LGSN: variants seen among roughly 807,000 people sequenced by gnomAD.
LGSN encodes the protein lengsin.
LGSN carries 21 observed loss-of-function variants against 19.5 expected under a neutral mutation model. The ratio of observed to expected loss-of-function variants is 1.07; its 90% confidence interval spans 0.76 to 1.55. The LOEUF (loss-of-function observed/expected upper bound fraction) is 1.55, where lower values mean the gene tolerates loss of function less well. Among genes scored for constraint, LGSN ranks in the 40% most tolerant of loss-of-function variants. LGSN has a pLI of 0.00. For synonymous variants in LGSN, 257 were observed against 215.6 expected, an observed-to-expected ratio of 1.19 and a Z score of -1.68; for missense variants, 673 against 608.5, an observed-to-expected ratio of 1.11 and a Z score of -1.12.
At chr6:63,312,397 T>A (rs1295458593) in intron 1 of LGSN, among the ~76,000 whole-genome samples, 1 of 152,198 alleles carries the variant, frequency 6.6e-6, no homozygotes, top group Non-Finnish European at 1.5e-5. Flanking sequence ...GAAAGTAGAA[T>A]CCTTATTAAA....
chr6:63,458,867 G>A, the LGSN span, among the ~76,000 whole-genome samples: 1 of 152,104 alleles, frequency 6.6e-6, no homozygotes, highest in African/African-American at 2.4e-5. Context: ...GAAGGTATTG[G>A]GCAATGGAAA....
the LGSN span, among the ~76,000 whole-genome samples, chr6:63,328,357 G>A: frequency 6.6e-6 from 1 of 152,142 alleles, no homozygotes; most frequent in Non-Finnish European, 1.5e-5. Flanking sequence ...GGAGAAAAGG[G>A]GCAGGGTTGA....
chr6:63,551,242 T>C, the LGSN span, among the ~76,000 whole-genome samples: 3 of 151,956 alleles, frequency 2.0e-5, no homozygotes, highest in African/African-American at 7.3e-5. Flanking sequence ...GTTTTTGTAT[T>C]TTTAGTAGAG....
intron 3 of LGSN, among the ~76,000 whole-genome samples, chr6:63,282,816 C>T (rs146401434): frequency 7.2e-4 from 109 of 152,256 alleles, no homozygotes; most frequent in African/African-American, 2.2e-3. Flanking sequence ...CACACACACA[C>T]GCTTACTGTG....
chr6:63,289,059 T>C (rs1767665113), intron 2 of LGSN, among the ~76,000 whole-genome samples: 1 of 152,220 alleles, frequency 6.6e-6, no homozygotes, highest in African/African-American at 2.4e-5. Flanking sequence ...CCTGTCATTC[T>C]CCATTGCCTA....
the LGSN span, among the ~76,000 whole-genome samples, chr6:63,561,686 G>C: frequency 1.4e-4 from 21 of 152,128 alleles, no homozygotes; most frequent in Admixed American, 1.4e-3. Flanking sequence ...TGATTTCTTG[G>C]TTTATAGCCA....
chr6:63,524,996 T>C, the LGSN span, among the ~76,000 whole-genome samples: 5 of 152,094 alleles, frequency 3.3e-5, no homozygotes, highest in African/African-American at 1.2e-4. Context: ...ATTAGTGGAG[T>C]TGAGCATGTC....
chr6:63,460,497 C>T, the LGSN span, among the ~76,000 whole-genome samples: 2 of 152,104 alleles, frequency 1.3e-5, no homozygotes, highest in African/African-American at 2.4e-5. Context: ...TTTAAATTGA[C>T]GTCCTTTACT....
the LGSN span, among the ~76,000 whole-genome samples, chr6:63,361,748 C>T: frequency 2.0e-5 from 3 of 152,118 alleles, no homozygotes; most frequent in Non-Finnish European, 4.4e-5. Context: ...CTTCGTCGCT[C>T]AGGCTGGGAG....
chr6:63,276,839 T>C lies in LGSN; in HGVS notation c.*3182A>G, dbSNP rs549979022. 6.6e-6 allele frequency: 1 copy of C among 152,210 alleles called. No homozygotes were observed. 9.4% of individuals were successfully genotyped at this position (152,210 alleles called of 1,614,324 possible). A position where few individuals can be genotyped will look rare whatever the true frequency, so the allele number is the denominator to read the frequency against. On this transcript the variant is annotated 3_prime_UTR_variant, in exon 4 of 4. Transcript: ENST00000370657. ...CATCAGCAGAAAGTCCTTTCAACAA[T>C]AGAAAGCCTATGAACAGATGAAAGA...
At chr6:63,471,540 C>T in the LGSN span, among the ~76,000 whole-genome samples, 1 of 151,774 alleles carries the variant, frequency 6.6e-6, no homozygotes, top group Admixed American at 6.6e-5. Context: ...GTGGCAGGTG[C>T]CTGTAATCCC....
At chr6:63,538,461 ATTAGT>A in the LGSN span, among the ~76,000 whole-genome samples, 1 of 152,226 alleles carries the variant, frequency 6.6e-6, no homozygotes, top group African/African-American at 2.4e-5. Flanking sequence ...TAAAAATTAG[ATTAGT>A]TTAATTTGAA....
chr6:63,476,084 T>C, the LGSN span, among the ~76,000 whole-genome samples: 3 of 152,182 alleles, frequency 2.0e-5, no homozygotes, highest in African/African-American at 7.2e-5. Context: ...GTTTGTTTGT[T>C]TTGTTTTGTT....
intron 3 of LGSN, 48 bp from the exon 4 acceptor site, chr6:63,281,268 AG>A: frequency 4.4e-6 from 6 of 1,360,986 alleles, no homozygotes; most frequent in Non-Finnish European, 5.7e-6. Context: ...AACAAACAAA[AG>A]GGTCGGGGGG....
At chr6:63,507,113 C>T in the LGSN span, among the ~76,000 whole-genome samples, 3 of 152,184 alleles carry the variant, frequency 2.0e-5, no homozygotes, top group South Asian at 2.1e-4. Context: ...AATGACCATT[C>T]GCACTACTCA....
Position 63,280,312 on chromosome 6 carries a change from T to G in LGSN, c.1239A>C (p.Thr413=). 2.5e-6 allele frequency: 4 copies of G among 1,614,256 alleles called. No individual in the cohort carries two copies. The highest frequency in any genetic ancestry group is 3.4e-6 in the Non-Finnish European group (4 of 1,180,050). The change falls in exon 4 of 4, where the codon ACA becomes ACC. Residue 413 remains threonine (T), a synonymous_variant. Transcript: ENST00000370657. ...TRIENKLGSA[T]ANPYLVLAAT... Reference sequence around the variant, plus strand: ...CAGCCAGCACCAAGTAAGGGTTTGCTGTTGCTGAGCCTAGTTTATTTTCTA... The same window carrying G: ...CAGCCAGCACCAAGTAAGGGTTTGCGGTTGCTGAGCCTAGTTTATTTTCTA...
chr6:63,405,623 C>T, the LGSN span, among the ~76,000 whole-genome samples: 25 of 152,132 alleles, frequency 1.6e-4, no homozygotes, highest in Non-Finnish European at 1.6e-4. Flanking sequence ...AGTGTCTGTT[C>T]ATGTCCTTCG....
At chr6:63,450,615 T>C in the LGSN span, among the ~76,000 whole-genome samples, 2 of 149,032 alleles carry the variant, frequency 1.3e-5, no homozygotes, top group Non-Finnish European at 3.0e-5. Flanking sequence ...TCTATGAACA[T>C]AAAGGTAAAT....
rs1175563035 is a variant in LGSN at position 63,287,997 on chromosome 6, C to T, written c.164-2244G>A. 2.0e-5 allele frequency among the ~76,000 whole-genome samples: 3 copies of T among 151,616 alleles called. No homozygotes were observed. In the East Asian group the frequency reaches 5.9e-4, roughly 30 times the overall value. On this transcript the variant is annotated intron_variant, in intron 2 of 3. Transcript: ENST00000370657. Reference sequence around the variant, plus strand: ...TTGGGAGGCCGAGGCAGGTGGATCACGAGGTCAGGAGTTCAAGACCAGCCT... The same window carrying T: ...TTGGGAGGCCGAGGCAGGTGGATCATGAGGTCAGGAGTTCAAGACCAGCCT...
Sources: allele counts gnomAD v4.1 joint callset (sites outside exome capture counted in the v4.1 genomes callset), GRCh38; gene constraint gnomAD v4.1.1; transcripts MANE v1.5; gene names NCBI Gene and HGNC (gene_info 2026-07-23, HGNC 2026-07-21).